VSX2: variants seen among roughly 807,000 people sequenced by gnomAD.
VSX2 encodes visual system homeobox 2.
Under a neutral mutation model 32.1 loss-of-function variants are expected in VSX2, and 28 were observed. The ratio of observed to expected loss-of-function variants is 0.87; its 90% CI spans 0.65 to 1.20. The LOEUF is 1.20. VSX2 is among the 50% of genes most tolerant of loss of function. VSX2 has a pLI of 0.00. For missense variants in VSX2, 506 were observed against 488.7 expected (o/e 1.04, Z -0.33); for synonymous variants, 243 against 214.1 (o/e 1.14, Z -1.18).
chr14:74,258,189 A>T (rs2079279799), intron 3 of VSX2, among the ~76,000 whole-genome samples: 2 of 152,328 alleles, frequency 1.3e-5, no homozygotes, highest in Non-Finnish European at 2.9e-5. Flanking sequence ...CCCAGCATTA[A>T]TTAGTGCGGG....
At chr14:74,258,001 G>A (rs2139644754) in intron 3 of VSX2, among the ~76,000 whole-genome samples, 1 of 152,172 alleles carries the variant, frequency 6.6e-6, no homozygotes, top group South Asian at 2.1e-4. Flanking sequence ...GCCATCTGCC[G>A]CCGAGCCCGC....
rs543585814 is a variant in VSX2 at position 74,256,071 on chromosome 14, G to T, written c.580-3531G>T. Among the ~76,000 whole-genome samples the T allele has an allele frequency of 8.5e-5, 13 of 152,328 alleles. No individual in the cohort carries two copies. The South Asian group carries it at 2.7e-3, about 32-fold the overall frequency. Reference sequence around the variant, plus strand: ...CTCCAGTCTGGCTGCACAGATGCCAGTTGAGGGGTTGTGGCCTTGTTTTAT... The same window carrying T: ...CTCCAGTCTGGCTGCACAGATGCCATTTGAGGGGTTGTGGCCTTGTTTTAT... On this transcript the variant is annotated intron_variant, in intron 3 of 4. Coordinates refer to ENST00000261980, the MANE Select transcript of VSX2 (RefSeq NM_182894.3).
chr14:74,247,791 G>A (rs1013908791), intron 3 of VSX2, among the ~76,000 whole-genome samples: 4 of 133,876 alleles, frequency 3.0e-5, no homozygotes, highest in African/African-American at 1.0e-4. Context: ...TTGAGTACCA[G>A]GCACTGTTTA....
rs200824722 is a variant in VSX2, at chr14:74,239,783, C to T, written c.222C>T (p.Gly74=). 1.0e-5 allele frequency: 16 copies of T among 1,559,962 alleles called. No homozygotes were observed. The highest frequency in any genetic ancestry group is 1.3e-5 in the Non-Finnish European group (15 of 1,153,174). The change falls in exon 1 of 5, where the codon GGC becomes GGT. Residue 74 remains glycine (G), a synonymous_variant. Transcript: ENST00000261980. The stretch of plus-strand genomic sequence containing the variant: ...CAGTGCTCAGCCCCGCGGGGGTGGG[C>T]GGCATGGGGCTTCTGGGGCCCGGGG... The part of the protein sequence containing the change: ...ARSVLSPAGV[G]GMGLLGPGGL...
chr14:74,257,296 G>T (rs10148170), intron 3 of VSX2, among the ~76,000 whole-genome samples: 53,280 of 152,136 alleles, frequency 0.35, 9,782 homozygotes, highest in East Asian at 0.69. Context: ...TCCTTGGCGG[G>T]GGTCTCCCAG....
At chr14:74,243,984 C>T (rs190034122) in intron 2 of VSX2, among the ~76,000 whole-genome samples, 1 of 152,268 alleles carries the variant, frequency 6.6e-6, no homozygotes, top group East Asian at 1.9e-4. Flanking sequence ...GGACGCTGGA[C>T]TATATTGCCT....
At chr14:74,251,815 G>A (rs1431184441) in intron 3 of VSX2, among the ~76,000 whole-genome samples, 2 of 136,032 alleles carry the variant, frequency 1.5e-5, no homozygotes, top group Non-Finnish European at 3.3e-5. Context: ...GTGCTGAGTG[G>A]GTGCAGAGTG....
In VSX2 at chr14:74,247,500, C is replaced by T. The variant is rs78252045; in HGVS notation, c.579+2212C>T. On this transcript the variant is annotated intron_variant, in intron 3 of 4. Coordinates refer to ENST00000261980, the MANE Select transcript of VSX2 (RefSeq NM_182894.3). The stretch of plus-strand genomic sequence containing the variant: ...GCCTGGCACGTGCCCCCAGCTCACT[C>T]GGTGTCAGATCTGATCTTATTAAGT... 9.3e-3 allele frequency among the ~76,000 whole-genome samples: 1,414 copies of T among 152,304 alleles called. 26 individuals are homozygous for T. Among genetic ancestry groups the T allele is most frequent in the African/African-American group, 0.032 (1,316 of 41,558 alleles).
At chr14:74,241,946 G>A (rs1432404714) in intron 2 of VSX2, among the ~76,000 whole-genome samples, 2 of 145,058 alleles carry the variant, frequency 1.4e-5, no homozygotes, top group African/African-American at 4.9e-5. Flanking sequence ...AAAGGGTTTT[G>A]TTTTGTTTTG....
rs145866932 is a variant in VSX2, at chr14:74,241,196, T to C, written c.385T>C (p.Ser129Pro). The C allele has an allele frequency of 9.3e-6, 15 of 1,613,312 alleles. No individual in the cohort carries two copies. The highest frequency in any genetic ancestry group is 5.0e-5 in the Admixed American group (3 of 60,014). The change falls in exon 2 of 5, where the codon TCC becomes CCC. Residue 129 changes from serine (S) to proline (P), a missense_variant. By Grantham distance (74) the Ser-to-Pro change is moderately conservative. Transcript: ENST00000261980. ...QTASSDSEDV[S>P]SSDRKMSKSA... Reference sequence around the variant, plus strand: ...CCGCTTTTCAGATTCTGAAGATGTTTCCTCCAGCGATCGAAAAATGTCCAA... The same window carrying C: ...CCGCTTTTCAGATTCTGAAGATGTTCCCTCCAGCGATCGAAAAATGTCCAA...
Position 74,259,651 on chromosome 14 carries a change from G to C in VSX2, c.629G>C (p.Trp210Ser). Reference sequence around the variant, plus strand: ...AAGTGGAGGAAGCGGGAGAAGTGCTGGGGCCGGAGCAGTGTCATGGCGGAG... The same window carrying C: ...AAGTGGAGGAAGCGGGAGAAGTGCTCGGGCCGGAGCAGTGTCATGGCGGAG... ...RAKWRKREKCWGRSSVMAEYG... is the reference protein window; with the variant it reads ...RAKWRKREKCSGRSSVMAEYG... Residue 210 changes from tryptophan (W) to serine (S), a missense_variant, in exon 4 of 5, where the codon TGG (tryptophan) becomes TCG (serine). Trp to Ser is a radical substitution (Grantham distance 177). Transcript: ENST00000261980. 6.2e-7 allele frequency: 1 copy of C among 1,614,218 alleles called. No individual in the cohort carries two copies. Among genetic ancestry groups the C allele is most frequent in the South Asian group, 1.1e-5 (1 of 91,084 alleles).
chr14:74,247,227 G>A (rs867475186), intron 3 of VSX2, among the ~76,000 whole-genome samples: 2 of 152,278 alleles, frequency 1.3e-5, no homozygotes, highest in South Asian at 4.1e-4. Flanking sequence ...TGCATCAATA[G>A]CAGTCACAGC....
At chr14:74,241,625 C>T (rs1386754608) in intron 2 of VSX2, among the ~76,000 whole-genome samples, 1 of 152,242 alleles carries the variant, frequency 6.6e-6, no homozygotes, top group Non-Finnish European at 1.5e-5. Flanking sequence ...GGCAGATTAG[C>T]TCCCACCTCC....
rs879245861 is a variant in VSX2, at chr14:74,239,567, G to A, written c.6G>A (p.Thr2=). Residue 2 remains threonine, a synonymous_variant, in exon 1 of 5, where the codon ACG becomes ACA. Transcript: ENST00000261980. M[T]GKAGEALSKP... ...CCCCTCCAAAGAACAGGGAGATGACGGGGAAAGCAGGGGAAGCGCTGAGCA... is the reference window on the plus strand; with the variant it reads ...CCCCTCCAAAGAACAGGGAGATGACAGGGAAAGCAGGGGAAGCGCTGAGCA... 3 of 1,551,254 alleles carry A rather than the reference G, an allele frequency of 1.9e-6. No homozygotes were observed. The highest frequency in any genetic ancestry group is 2.6e-6 in the Non-Finnish European group (3 of 1,146,988).
chr14:74,256,844 T>A (rs2079266704), intron 3 of VSX2, among the ~76,000 whole-genome samples: 1 of 151,992 alleles, frequency 6.6e-6, no homozygotes, highest in Admixed American at 6.6e-5. Flanking sequence ...CGGCTAATTT[T>A]TGTATCTTTA....
intron 3 of VSX2, among the ~76,000 whole-genome samples, chr14:74,258,731 A>G (rs2079284157): frequency 1.3e-5 from 2 of 152,110 alleles, no homozygotes; most frequent in African/African-American, 4.8e-5. Flanking sequence ...GGATTCTGGG[A>G]TCCTAGAATG....
In VSX2 at chr14:74,249,523, G is replaced by A. The variant is rs553590567; in HGVS notation, c.579+4235G>A. 2.2e-4 allele frequency among the ~76,000 whole-genome samples: 33 copies of A among 152,294 alleles called. 1 individual carries two copies. The East Asian group carries it at 5.8e-3, about 27-fold the overall frequency. On this transcript the variant is annotated intron_variant, in intron 3 of 4. Coordinates refer to ENST00000261980, the MANE Select transcript of VSX2 (RefSeq NM_182894.3). ...GACCTCAAATGATGCACCCACCTCA[G>A]CCTCCCAAAGTGCTGGGATTACAGG...
Position 74,261,074 on chromosome 14 carries a change from C to CAG in VSX2, c.*155_*156insAG. ...CATCACCCCTGGTGGCTGCAGGCAC[C>CAG]GCTGGGTTCTGACTCTGGACCATGC... is the stretch of plus-strand genomic sequence containing the variant. On this transcript the variant is annotated 3_prime_UTR_variant, in exon 5 of 5. Coordinates refer to ENST00000261980, the MANE Select transcript of VSX2 (RefSeq NM_182894.3). 4 of 855,008 alleles carry CAG rather than the reference C, an allele frequency of 4.7e-6. No individual in the cohort carries two copies. Among genetic ancestry groups the CAG allele is most frequent in the Non-Finnish European group, 7.2e-6 (4 of 552,702 alleles). The allele number at this position is 855,008 out of a possible 1,614,324, so 53.0% of individuals were successfully genotyped here.
At chr14:74,241,047 GC>G in intron 1 of VSX2, 134 bp from the exon 2 acceptor site, 1 of 849,672 alleles carries the variant, frequency 1.2e-6, no homozygotes, top group South Asian at 1.4e-5. Context: ...CCACCGGGGC[GC>G]CCGCAGGCTT....
Sources: gnomAD v4.1 joint callset for allele counts (sites outside exome capture counted in the v4.1 genomes callset) on GRCh38, gnomAD v4.1.1 for gene constraint, MANE v1.5 for transcripts, NCBI Gene and HGNC (gene_info 2026-07-23, HGNC 2026-07-21) for gene names.